MED24: variants seen among roughly 807,000 people sequenced by gnomAD.
MED24 encodes mediator of RNA polymerase II transcription subunit 24.
A neutral mutation model predicts 118.8 loss-of-function variants in MED24; 74 were observed. The ratio of observed to expected loss-of-function variants is 0.62; its 90% confidence interval spans 0.52 to 0.76. The LOEUF is 0.76. Ranked by LOEUF, MED24 falls within the 30% of genes least tolerant of loss-of-function variation. The pLI is 0.00. For synonymous variants in MED24, 521 were observed against 523.9 expected (o/e 0.99, Z 0.08); for missense variants, 1,041 against 1,278.9 (o/e 0.81, Z 2.84).
intron 24 of MED24, 117 bp downstream of exon 24, chr17:40,020,156 G>T: frequency 9.0e-7 from 1 of 1,116,954 alleles, no homozygotes; most frequent in Non-Finnish European, 1.3e-6. Flanking sequence ...GGGGCATGGA[G>T]AGGGAAGGGA....
At chr17:40,049,352 T>C (rs1310713516) in intron 3 of MED24, among the ~76,000 whole-genome samples, 2 of 152,134 alleles carry the variant, frequency 1.3e-5, no homozygotes, top group East Asian at 1.9e-4. Flanking sequence ...CTCTCCTCAA[T>C]GTGCCGGCTA....
chr17:40,053,790 C>T, intron 1 of MED24, 155 bp from the exon 2 acceptor site: 1 of 984,478 alleles, frequency 1.0e-6, no homozygotes, highest in South Asian at 1.6e-5. Flanking sequence ...AAGTAAGATC[C>T]TGTCAGACTC....
chr17:40,046,984 T>C (rs1437610660), intron 3 of MED24, among the ~76,000 whole-genome samples: 1 of 152,098 alleles, frequency 6.6e-6, no homozygotes, highest in Non-Finnish European at 1.5e-5. Flanking sequence ...GGTGCATGAC[T>C]GTAGTCCCAA....
At position 40,031,422 on chromosome 17, in the gene MED24, C is replaced by G. The variant is rs953516162; in HGVS notation, c.1067+116G>C. On this transcript the variant is annotated intron_variant, in intron 11 of 25. Coordinates refer to ENST00000394128, the MANE Select transcript of MED24 (RefSeq NM_014815.4). ...AACTGTGGGCTCCTATTTCCTGCCC[C>G]TGCCAAGGGGAGTGAACAAGGAGAC... The G allele has an allele frequency of 2.5e-5, 32 of 1,291,212 alleles. No individual in the cohort carries two copies. The Admixed American group carries it at 2.9e-4, about 12-fold the overall frequency. 80.0% of individuals were successfully genotyped at this position (1,291,212 alleles called of 1,614,324 possible). A position where few individuals can be genotyped will look rare whatever the true frequency, so the allele number is the denominator to read the frequency against.
At chr17:40,053,228 G>T in intron 3 of MED24, 70 bp downstream of exon 3, 2 of 1,407,464 alleles carry the variant, frequency 1.4e-6, no homozygotes, top group Non-Finnish European at 1.9e-6. Flanking sequence ...AACCACCGGG[G>T]CCCAAATGCA....
At chr17:40,027,800 G>C in intron 15 of MED24, 109 bp downstream of exon 15, 1 of 1,223,572 alleles carries the variant, frequency 8.2e-7, no homozygotes, top group South Asian at 1.2e-5. Flanking sequence ...TCTGAGGAGG[G>C]AGCACAGCCT....
At chr17:40,048,663 C>T (rs931148306) in intron 3 of MED24, among the ~76,000 whole-genome samples, 4 of 152,104 alleles carry the variant, frequency 2.6e-5, no homozygotes, top group African/African-American at 9.7e-5. Context: ...AAGCGATTCT[C>T]CTGCCTCAGC....
In MED24 at chr17:40,023,208, C is replaced by CCACCCAGCCCTTCTCCAG. The variant is rs777539345; in HGVS notation, c.2155_2172dup (p.Leu719_Val724dup). Reference sequence around the variant, plus strand: ...TCAAAGATGTGGATGGAGCGGCTGTCCACCCAGCCCTTCTCCAGCACCTTG... The same window carrying CCACCCAGCCCTTCTCCAG: ...TCAAAGATGTGGATGGAGCGGCTGTCCACCCAGCCCTTCTCCAGCACCCAGCCCTTCTCCAGCACCTTG... On this transcript the variant is annotated inframe_insertion, in exon 20 of 26. Transcript: ENST00000394128. 1 of 1,614,126 alleles carries CCACCCAGCCCTTCTCCAG rather than the reference C, an allele frequency of 6.2e-7. No individual in the cohort carries two copies. Among genetic ancestry groups the CCACCCAGCCCTTCTCCAG allele is most frequent in the South Asian group, 1.1e-5 (1 of 91,086 alleles).
intron 3 of MED24, among the ~76,000 whole-genome samples, chr17:40,040,612 T>C (rs112625934): frequency 9.9e-5 from 15 of 151,566 alleles, no homozygotes; most frequent in Non-Finnish European, 5.9e-5. Flanking sequence ...TTTTTTTTTT[T>C]AATTTTATTT....
intron 3 of MED24, among the ~76,000 whole-genome samples, chr17:40,042,810 CATCT>C (rs1489291873): frequency 6.6e-6 from 1 of 152,108 alleles, no homozygotes; most frequent in African/African-American, 2.4e-5. Context: ...AGCCATTATC[CATCT>C]ATTTGAACAA....
chr17:40,031,879 C>T (rs1311804938), intron 10 of MED24, among the ~76,000 whole-genome samples, 164 bp downstream of exon 10: 2 of 152,214 alleles, frequency 1.3e-5, no homozygotes, highest in East Asian at 1.9e-4. Context: ...CTGAAGCACA[C>T]GCACATGCTG....
chr17:40,027,243 C>T, intron 16 of MED24, 140 bp downstream of exon 16: 1 of 1,148,730 alleles, frequency 8.7e-7, no homozygotes, highest in Non-Finnish European at 1.2e-6. Context: ...CTACGGACTC[C>T]AGCCCGGGTG....
chr17:40,046,474 G>A (rs950420771), intron 3 of MED24, among the ~76,000 whole-genome samples: 26 of 150,652 alleles, frequency 1.7e-4, no homozygotes, highest in Admixed American at 2.7e-4. Context: ...GGCCGGGCGC[G>A]GTGGCTCACG....
At position 40,053,289 on chromosome 17, in the gene MED24, G is replaced by A. The variant is rs1986039096; in HGVS notation, c.213+9C>T. On this transcript the variant is annotated intron_variant, in intron 3 of 25. Coordinates refer to ENST00000394128, the MANE Select transcript of MED24 (RefSeq NM_014815.4). ...CTCACTTCTTGGTGGGGGTTTGCGG[G>A]AAGCTTACCTGGGAACTAATGGCAT... 1.3e-6 allele frequency: 2 copies of A among 1,593,826 alleles called. No individual in the cohort carries two copies. Among genetic ancestry groups the A allele is most frequent in the Non-Finnish European group, 1.7e-6 (2 of 1,170,260 alleles).
At position 40,033,803 on chromosome 17, in the gene MED24, G is replaced by A. The variant is rs570595955; in HGVS notation, c.560-347C>T. 2.5e-4 allele frequency: 120 copies of A among 485,722 alleles called. No homozygotes were observed. Among genetic ancestry groups the A allele is most frequent in the Admixed American group, 1.1e-3 (46 of 43,310 alleles). 30.1% of individuals were successfully genotyped at this position (485,722 alleles called of 1,614,324 possible). A position where few individuals can be genotyped will look rare whatever the true frequency, so the allele number is the denominator to read the frequency against. On this transcript the variant is annotated intron_variant, in intron 6 of 25. Coordinates refer to ENST00000394128, the MANE Select transcript of MED24 (RefSeq NM_014815.4). The surrounding 1 kb of genome is among the most constrained non-coding windows in gnomAD (Gnocchi z 5.2). ...CAGGGAGGGCGGCCACAAATCACTC[G>A]AGGAGTGAGCGGATCCCAAAGTCCA... is the stretch of plus-strand genomic sequence containing the variant.
rs748433914 is a variant in MED24 at position 40,020,419 on chromosome 17, G to A, written c.2624-66C>T. On this transcript the variant is annotated intron_variant, in intron 23 of 25. Transcript: ENST00000394128. ...CGAGTGCAAAAGTGGTGCTCCCCGG[G>A]GATGCCCCAACCCGACCTTCACCCA... is the stretch of plus-strand genomic sequence containing the variant. 1.6e-5 allele frequency: 25 copies of A among 1,552,750 alleles called. No homozygotes were observed. In the African/African-American group the frequency reaches 3.0e-4, roughly 19 times the overall value.
chr17:40,041,427 T>C (rs1984551299), intron 3 of MED24, among the ~76,000 whole-genome samples: 1 of 152,232 alleles, frequency 6.6e-6, no homozygotes, highest in Admixed American at 6.5e-5. Flanking sequence ...CTCTCCCTGC[T>C]GTCTCTGCAC....
chr17:40,027,750 T>A (rs1324182337), intron 15 of MED24, 159 bp downstream of exon 15: 2 of 808,670 alleles, frequency 2.5e-6, no homozygotes, highest in Admixed American at 4.5e-5. Flanking sequence ...TCCAGCATTA[T>A]CCACTTTCAA....
intron 3 of MED24, among the ~76,000 whole-genome samples, chr17:40,043,760 G>A (rs1403407139): frequency 1.3e-5 from 2 of 151,272 alleles, no homozygotes; most frequent in South Asian, 2.1e-4. Context: ...GCGCAGTGGC[G>A]GGCGCCTGTA....
Sources: allele counts gnomAD v4.1 joint callset (sites outside exome capture counted in the v4.1 genomes callset), GRCh38; gene constraint gnomAD v4.1.1; non-coding constraint Gnocchi (gnomAD v3.1); transcripts MANE v1.5; gene names NCBI Gene and HGNC (gene_info 2026-07-23, HGNC 2026-07-21).